Variants in DTWD1 observed in about 807,000 individuals in gnomAD.
DTWD1 encodes tRNA-uridine aminocarboxypropyltransferase 1.
A neutral mutation model predicts 30.2 loss-of-function variants in DTWD1; 27 were observed. The observed-to-expected ratio is 0.90, with a 90% CI of 0.66 to 1.23. The LOEUF (loss-of-function observed/expected upper bound fraction) is 1.23. Among genes scored for constraint, DTWD1 ranks in the 50% most tolerant of loss-of-function variants. The pLI is 0.00. For missense variants in DTWD1, 342 were observed against 348.8 expected (o/e 0.98, Z 0.15); for synonymous variants, 99 against 113.1 (o/e 0.88, Z 0.79).
rs2079113909 is a variant in DTWD1 at position 49,645,754 on chromosome 15, T to C, written c.*2176T>C. ...GCTGGCATAAGAAAGATGACCCACG[T>C]ACTTCATAAGAGCCTAATTTACAGC... On this transcript the variant is annotated 3_prime_UTR_variant, in exon 5 of 5. Transcript: ENST00000403028. 6.6e-6 allele frequency: 1 copy of C among 152,162 alleles called. No homozygotes were observed. Among genetic ancestry groups the C allele is most frequent in the East Asian group, 1.9e-4 (1 of 5,188 alleles). 9.4% of individuals were successfully genotyped at this position (152,162 alleles called of 1,614,324 possible). A position where few individuals can be genotyped will look rare whatever the true frequency, so the allele number is the denominator to read the frequency against.
At chr15:49,630,499 A>G (rs913918763) in intron 2 of DTWD1, among the ~76,000 whole-genome samples, 1 of 152,304 alleles carries the variant, frequency 6.6e-6, no homozygotes, top group East Asian at 1.9e-4. Flanking sequence ...TTTCTTATAT[A>G]TAGTAAGGGA....
Position 49,643,691 on chromosome 15 carries a change from A to G in DTWD1, c.*113A>G. 1 of 1,163,602 alleles carries G rather than the reference A, an allele frequency of 8.6e-7. No homozygotes were observed. Among genetic ancestry groups the G allele is most frequent in the Non-Finnish European group, 1.1e-6 (1 of 873,952 alleles). 72.1% of individuals were successfully genotyped at this position (1,163,602 alleles called of 1,614,324 possible). ...TATAATGCCTGTAAGACCATTTGAA[A>G]AAATTCCAGTTTCATATATATCACT... On this transcript the variant is annotated 3_prime_UTR_variant, in exon 5 of 5. Coordinates refer to ENST00000403028, the MANE Select transcript of DTWD1 (RefSeq NM_001144955.2).
chr15:49,625,470 G>A lies in DTWD1; in HGVS notation c.264+39G>A. 2.6e-6 allele frequency: 4 copies of A among 1,559,850 alleles called. No homozygotes were observed. The South Asian group carries it at 3.5e-5, about 14-fold the overall frequency. Reference sequence around the variant, plus strand: ...TTAATTGTTTGAAAGTATGAAAATAGATTTTTTAAAAACATCTCATGTATA... The same window carrying A: ...TTAATTGTTTGAAAGTATGAAAATAAATTTTTTAAAAACATCTCATGTATA... On this transcript the variant is annotated intron_variant, in intron 2 of 4. Coordinates refer to ENST00000403028, the MANE Select transcript of DTWD1 (RefSeq NM_001144955.2).
chr15:49,648,039 G>A lies in DTWD1; in HGVS notation c.*4461G>A, dbSNP rs868802857. ...TTGTAAATGCAACCATAGGCTACAT[G>A]TTACATTGTATTTAATTAAAAACCT... On this transcript the variant is annotated 3_prime_UTR_variant, in exon 5 of 5. Transcript: ENST00000403028. The A allele has an allele frequency of 6.6e-6, 1 of 152,086 alleles. No homozygotes were observed. The highest frequency in any genetic ancestry group is 6.6e-5 in the Admixed American group (1 of 15,264). 9.4% of individuals were successfully genotyped at this position (152,086 alleles called of 1,614,324 possible).
In DTWD1 at chr15:49,649,984, G is replaced by T. The variant is rs1299689612; in HGVS notation, c.*6406G>T. On this transcript the variant is annotated 3_prime_UTR_variant, in exon 5 of 5. Transcript: ENST00000403028. ...GGTCAGATGGAAAAGCCTGTGATAA[G>T]GTAAAATTGAGCAGAGACCTAAATG... The T allele has an allele frequency of 6.6e-6, 1 of 150,870 alleles. No individual in the cohort carries two copies. Among genetic ancestry groups the T allele is most frequent in the Non-Finnish European group, 1.5e-5 (1 of 68,026 alleles). 9.3% of individuals were successfully genotyped at this position (150,870 alleles called of 1,614,324 possible). A position where few individuals can be genotyped will look rare whatever the true frequency, so the allele number is the denominator to read the frequency against.
chr15:49,628,863 A>G (rs1387859744), intron 2 of DTWD1, among the ~76,000 whole-genome samples: 1 of 151,618 alleles, frequency 6.6e-6, no homozygotes, highest in African/African-American at 2.4e-5. Flanking sequence ...TTTTAATTAT[A>G]CTTTAAGTTC....
rs532355885 is a variant in DTWD1, at chr15:49,621,114, G to A, written c.-64G>A. The A allele has an allele frequency of 1.3e-5, 2 of 152,518 alleles. No homozygotes were observed. The highest frequency in any genetic ancestry group is 4.8e-5 in the African/African-American group (2 of 41,554). 9.4% of individuals were successfully genotyped at this position (152,518 alleles called of 1,614,324 possible). A position where few individuals can be genotyped will look rare whatever the true frequency, so the allele number is the denominator to read the frequency against. On this transcript the variant is annotated 5_prime_UTR_variant, in exon 1 of 5. Coordinates refer to ENST00000403028, the MANE Select transcript of DTWD1 (RefSeq NM_001144955.2). ...GTGTGGAGCTGTTCGAGGACTCGCGGGTGTGCAGGTCTGAGTACCACTCCG... is the reference window on the plus strand; with the variant it reads ...GTGTGGAGCTGTTCGAGGACTCGCGAGTGTGCAGGTCTGAGTACCACTCCG...
rs926500300 is a variant in DTWD1 at position 49,653,881 on chromosome 15, A to G, written c.*10303A>G. The G allele has an allele frequency of 1.3e-5, 2 of 152,094 alleles. No homozygotes were observed. The highest frequency in any genetic ancestry group is 2.9e-5 in the Non-Finnish European group (2 of 68,016). 9.4% of individuals were successfully genotyped at this position (152,094 alleles called of 1,614,324 possible). A position where few individuals can be genotyped will look rare whatever the true frequency, so the allele number is the denominator to read the frequency against. On this transcript the variant is annotated 3_prime_UTR_variant, in exon 5 of 5. Transcript: ENST00000403028. Reference sequence around the variant, plus strand: ...AGTACTTGTCATTTTTTTATAGAAAAGGAAAAATAGATGGAAGATGGAGCC... The same window carrying G: ...AGTACTTGTCATTTTTTTATAGAAAGGGAAAAATAGATGGAAGATGGAGCC...
In DTWD1 at chr15:49,643,748, G is replaced by T; in HGVS notation, c.*170G>T. ...TTCTTGAAGGAAATTGTATCTGGGG[G>T]AATTTTTCAGAGATACTGTTGATTG... On this transcript the variant is annotated 3_prime_UTR_variant, in exon 5 of 5. Transcript: ENST00000403028. 2 of 657,536 alleles carry T rather than the reference G, an allele frequency of 3.0e-6. No homozygotes were observed. The highest frequency in any genetic ancestry group is 4.4e-6 in the Non-Finnish European group (2 of 449,508). The allele number at this position is 657,536 out of a possible 1,614,324, so 40.7% of individuals were successfully genotyped here.
rs2079116977 is a variant in DTWD1, at chr15:49,646,158, G to C, written c.*2580G>C. 6.6e-6 allele frequency: 1 copy of C among 152,240 alleles called. No homozygotes were observed. The highest frequency in any genetic ancestry group is 1.5e-5 in the Non-Finnish European group (1 of 68,056). The allele number at this position is 152,240 out of a possible 1,614,324, so 9.4% of individuals were successfully genotyped here. The stretch of plus-strand genomic sequence containing the variant: ...TCACTGAATCTTGTCTAGATTGGCT[G>C]ATGGCCAGCCAAACCCAAGATATGT... On this transcript the variant is annotated 3_prime_UTR_variant, in exon 5 of 5. Transcript: ENST00000403028.
At chr15:49,632,826 G>A (rs2078941141) in intron 3 of DTWD1, among the ~76,000 whole-genome samples, 1 of 151,888 alleles carries the variant, frequency 6.6e-6, no homozygotes, top group Non-Finnish European at 1.5e-5. Flanking sequence ...AGTTGCAATT[G>A]TCACATTGGT....
chr15:49,629,377 A>T (rs2078888568), intron 2 of DTWD1, among the ~76,000 whole-genome samples: 2 of 152,196 alleles, frequency 1.3e-5, no homozygotes, highest in South Asian at 4.1e-4. Flanking sequence ...CACATGATTT[A>T]TAAAATTTGT....
chr15:49,633,136 G>A (rs2078953937), intron 3 of DTWD1, among the ~76,000 whole-genome samples: 1 of 148,122 alleles, frequency 6.8e-6, no homozygotes, highest in African/African-American at 2.5e-5. Flanking sequence ...TTTGGATCTA[G>A]GAAAATGTTT....
At chr15:49,641,710 C>T (rs1163780995) in intron 4 of DTWD1, among the ~76,000 whole-genome samples, 2 of 151,916 alleles carry the variant, frequency 1.3e-5, no homozygotes, top group Admixed American at 1.3e-4. Flanking sequence ...TTTTAGGTTG[C>T]CAGTTCTGTT....
chr15:49,634,471 A>G, intron 3 of DTWD1, 65 bp from the exon 4 acceptor site: 2 of 1,474,780 alleles, frequency 1.4e-6, no homozygotes. Context: ...ATTTTAAGTC[A>G]ATCAAAATTT....
intron 1 of DTWD1, among the ~76,000 whole-genome samples, chr15:49,622,795 CTCT>C (rs1457978152): frequency 6.6e-6 from 1 of 152,162 alleles, no homozygotes; most frequent in African/African-American, 2.4e-5. Context: ...AATTGCTGGC[CTCT>C]TCTACGTGGC....
At chr15:49,625,019 A>T in intron 1 of DTWD1, 94 bp from the exon 2 acceptor site, 2 of 778,582 alleles carry the variant, frequency 2.6e-6, no homozygotes, top group Non-Finnish European at 2.0e-6. Flanking sequence ...AAAACAGCAC[A>T]CAATTGTGAC....
rs754943433 is a variant in DTWD1 at position 49,628,360 on chromosome 15, T to A, written c.264+2929T>A. Reference sequence around the variant, plus strand: ...CTAAAACTAAAAAAATTAAGTGTAGTATAGCAAATATATAAACCAGTAACA... The same window carrying A: ...CTAAAACTAAAAAAATTAAGTGTAGAATAGCAAATATATAAACCAGTAACA... On this transcript the variant is annotated intron_variant, in intron 2 of 4. Coordinates refer to ENST00000403028, the MANE Select transcript of DTWD1 (RefSeq NM_001144955.2). 4.7e-4 allele frequency among the ~76,000 whole-genome samples: 71 copies of A among 152,372 alleles called. 1 individual carries two copies. The highest frequency in any genetic ancestry group is 2.0e-3 in the Admixed American group (31 of 15,310).
chr15:49,625,559 G>A, intron 2 of DTWD1, 128 bp downstream of exon 2: 1 of 1,057,918 alleles, frequency 9.5e-7, no homozygotes, highest in Non-Finnish European at 1.3e-6. Flanking sequence ...GCTTGTTGCT[G>A]CAAAGAAAAA....
Sources: gnomAD v4.1 joint callset for allele counts (sites outside exome capture counted in the v4.1 genomes callset) on GRCh38, gnomAD v4.1.1 for gene constraint, MANE v1.5 for transcripts, NCBI Gene and HGNC (gene_info 2026-07-23, HGNC 2026-07-21) for gene names.